Variants in SH3TC1 observed in about 807,000 individuals in gnomAD.
The protein encoded by SH3TC1 is SH3 domain and tetratricopeptide repeats 1.
SH3TC1 carries 135 observed loss-of-function variants against 117.3 expected under a neutral mutation model. The observed-to-expected ratio is 1.15, with a 90% CI of 1.00 to 1.33. The LOEUF is 1.33. Among genes scored for constraint, SH3TC1 ranks in the 40% most tolerant of loss-of-function variants. SH3TC1 has a pLI of 0.00. For synonymous variants in SH3TC1, 898 were observed against 816.9 expected (o/e 1.10, Z -1.69); for missense variants, 2,092 against 1,794.3 (o/e 1.17, Z -3.00).
intron 17 of SH3TC1, among the ~76,000 whole-genome samples, chr4:8,238,270 G>C (rs1421849553): frequency 6.6e-6 from 1 of 152,184 alleles, no homozygotes; most frequent in East Asian, 1.9e-4. Context: ...AGGTGCAGTG[G>C]GGCGGGGCCC....
rs1222512398 is a variant in SH3TC1 at position 8,206,901 on chromosome 4, C to T, written c.172+1535C>T. Among the ~76,000 whole-genome samples the T allele has an allele frequency of 6.6e-6, 1 of 150,564 alleles. No individual in the cohort carries two copies. Among genetic ancestry groups the T allele is most frequent in the Non-Finnish European group, 1.5e-5 (1 of 67,850 alleles). The stretch of plus-strand genomic sequence containing the variant: ...TTCTGATCCTTTTGGGAGTAAATTG[C>T]AGACATGATGCCCCTTCATCCTAAA... On this transcript the variant is annotated intron_variant, in intron 2 of 17. Coordinates refer to ENST00000245105, the MANE Select transcript of SH3TC1 (RefSeq NM_018986.5). The surrounding 1 kb of genome is among the most constrained non-coding windows in gnomAD (Gnocchi z 5.5).
intron 5 of SH3TC1, among the ~76,000 whole-genome samples, chr4:8,215,606 G>A (rs998461311): frequency 6.6e-6 from 1 of 152,128 alleles, no homozygotes; most frequent in Non-Finnish European, 1.5e-5. Flanking sequence ...TGCCTTACAC[G>A]TGCACCGAGC....
upstream of SH3TC1, among the ~76,000 whole-genome samples, chr4:8,196,657 G>T (rs1323908065): frequency 6.6e-6 from 1 of 152,208 alleles, no homozygotes; most frequent in Admixed American, 6.5e-5. The surrounding 1 kb of genome is among the most constrained non-coding windows in gnomAD (Gnocchi z 4.6). Flanking sequence ...GGGAGGCAGA[G>T]GGAGCTGGAC....
intron 4 of SH3TC1, 30 bp from the exon 5 acceptor site, chr4:8,214,445 C>A (rs1437714770): frequency 9.5e-6 from 15 of 1,585,980 alleles, no homozygotes; most frequent in Non-Finnish European, 1.3e-5. Context: ...CTCCTGGGGA[C>A]CTCTCGAATT....
intron 6 of SH3TC1, 92 bp from the exon 7 acceptor site, chr4:8,216,865 C>T (rs1561693237): frequency 7.5e-7 from 1 of 1,338,322 alleles, no homozygotes. Context: ...GTGGGTGTTG[C>T]CTTCGTTGTC....
Position 8,209,649 on chromosome 4 carries a change from ACC to A in SH3TC1, c.173-98_173-97del, listed in dbSNP as rs768745558. On this transcript the variant is annotated intron_variant, in intron 2 of 17. Coordinates refer to ENST00000245105, the MANE Select transcript of SH3TC1 (RefSeq NM_018986.5). The surrounding 1 kb of genome is among the most constrained non-coding windows in gnomAD (Gnocchi z 5.9). ...AGGCGGCTCGTGCGGGACAGAACTC[ACC>A]TCTTTTCTTGCAGAGAGACCTGGAG... is the stretch of plus-strand genomic sequence containing the variant. 2.0e-5 allele frequency: 32 copies of A among 1,564,716 alleles called. No homozygotes were observed. The Admixed American group carries it at 5.5e-4, about 27-fold the overall frequency.
chr4:8,182,981 C>T lies in SH3TC1; in HGVS notation c.-57+771C>T, dbSNP rs557345484. 3.1e-3 allele frequency among the ~76,000 whole-genome samples: 477 copies of T among 152,246 alleles called. 2 individuals are homozygous for T. The highest frequency in any genetic ancestry group is 0.017 in the Middle Eastern group (5 of 294). On this transcript the variant is annotated intron_variant, in intron 1 of 16. Transcript: ENST00000508641. ...GGTTTTGAAGGAGGCAGGGACTGGA[C>T]GCAGAGGCTGTTGGGGCAGTGGGGA...
At position 8,228,527 on chromosome 4, in the gene SH3TC1, T is replaced by C. The variant is rs1405164828; in HGVS notation, c.2833T>C (p.Phe945Leu). The change falls in exon 12 of 18, where the codon TTC (phenylalanine) becomes CTC (leucine). Residue 945 changes from phenylalanine (F) to leucine (L), a missense_variant. Physicochemically the swap from Phe to Leu is conservative, Grantham distance 22. Transcript: ENST00000245105. ...GCCCCTTGGGGAGTGTGGCCGGGAC[T>C]TCACCCACGTGCTCCTGCAGCTGGG... The part of the protein sequence containing the change: ...RLPLGECGRD[F>L]THVLLQLGHL... 1 of 1,611,270 alleles carries C rather than the reference T, an allele frequency of 6.2e-7. No homozygotes were observed. Among genetic ancestry groups the C allele is most frequent in the East Asian group, 2.2e-5 (1 of 44,858 alleles).
At chr4:8,237,107 A>G (rs368149120) in intron 16 of SH3TC1, 38 of 238,164 alleles carry the variant, frequency 1.6e-4, no homozygotes, top group East Asian at 1.5e-3. Context: ...GACTCTGATG[A>G]TGACACACCC....
intron 15 of SH3TC1, chr4:8,235,780 T>A: frequency 2.0e-6 from 1 of 491,566 alleles, no homozygotes; most frequent in Non-Finnish European, 3.3e-6. Context: ...CACCCGATGA[T>A]CTCAAGCAAC....
At chr4:8,230,100 C>T (rs1398418943) in intron 12 of SH3TC1, among the ~76,000 whole-genome samples, 3 of 152,178 alleles carry the variant, frequency 2.0e-5, no homozygotes, top group Non-Finnish European at 4.4e-5. Flanking sequence ...GCTGATACCC[C>T]ACATGCTTAC....
At chr4:8,233,655 C>CA in intron 14 of SH3TC1, 142 bp downstream of exon 14, 3 of 1,030,956 alleles carry the variant, frequency 2.9e-6, no homozygotes, top group Non-Finnish European at 4.0e-6. Flanking sequence ...TCCATCCTTC[C>CA]ATCATCTACC....
upstream of SH3TC1, among the ~76,000 whole-genome samples, chr4:8,199,082 C>T (rs957777288): frequency 6.6e-6 from 1 of 152,224 alleles, no homozygotes; most frequent in South Asian, 2.1e-4. Context: ...TACTACAGAG[C>T]CTGGGGGCTG....
chr4:8,228,510 G>C lies in SH3TC1; in HGVS notation c.2816G>C (p.Gly939Ala), dbSNP rs763702508. ...AVRLFSRLPL[G>A]ECGRDFTHVL... is the part of the protein sequence containing the mutation. ...CGGCTGTTCTCGAGGCTGCCCCTTG[G>C]GGAGTGTGGCCGGGACTTCACCCAC... The change falls in exon 12 of 18, where the codon GGG (glycine) becomes GCG (alanine). Residue 939 changes from glycine (G) to alanine (A), a missense_variant. Coordinates refer to ENST00000245105, the MANE Select transcript of SH3TC1 (RefSeq NM_018986.5). 7 of 1,611,522 alleles carry C rather than the reference G, an allele frequency of 4.3e-6. 1 individual carries two copies. In the South Asian group the frequency reaches 7.7e-5, roughly 18 times the overall value.
Position 8,205,815 on chromosome 4 carries a change from C to A in SH3TC1, c.172+449C>A, listed in dbSNP as rs998602650. 3 of 598,820 alleles carry A rather than the reference C, an allele frequency of 5.0e-6. No homozygotes were observed. Among genetic ancestry groups the A allele is most frequent in the Non-Finnish European group, 9.0e-6 (3 of 335,152 alleles). 37.1% of individuals were successfully genotyped at this position (598,820 alleles called of 1,614,324 possible). A position where few individuals can be genotyped will look rare whatever the true frequency, so the allele number is the denominator to read the frequency against. On this transcript the variant is annotated intron_variant, in intron 2 of 17. Transcript: ENST00000245105. This position sits in a 1 kb window ranked among gnomAD's most constrained non-coding sequence, Gnocchi z 5.4. ...TCAGGGGCCGGGCCAGGACGTGTGC[C>A]CAGTTTCCTGAATTCCCGGGAGACC...
Position 8,205,883 on chromosome 4 carries a change from C to G in SH3TC1, c.172+517C>G. 1.8e-6 allele frequency: 1 copy of G among 562,158 alleles called. No homozygotes were observed. The highest frequency in any genetic ancestry group is 3.2e-6 in the Non-Finnish European group (1 of 315,494). The allele number at this position is 562,158 out of a possible 1,614,324, so 34.8% of individuals were successfully genotyped here. ...GATCTCCAGGATCCCCTCTTACCCCCATCCTGAGACCCTGAAGGGGACGAG... is the reference window on the plus strand; with the variant it reads ...GATCTCCAGGATCCCCTCTTACCCCGATCCTGAGACCCTGAAGGGGACGAG... On this transcript the variant is annotated intron_variant, in intron 2 of 17. Coordinates refer to ENST00000245105, the MANE Select transcript of SH3TC1 (RefSeq NM_018986.5). The surrounding 1 kb of genome is among the most constrained non-coding windows in gnomAD (Gnocchi z 5.4).
intron 16 of SH3TC1, chr4:8,237,214 G>A: frequency 2.4e-6 from 1 of 408,888 alleles, no homozygotes. Flanking sequence ...GTTAAAAACA[G>A]TGAGCAAAGG....
rs978023146 is a variant in SH3TC1 at position 8,209,891 on chromosome 4, A to G, written c.247+69A>G. The G allele has an allele frequency of 1.3e-6, 2 of 1,504,800 alleles. No homozygotes were observed. Among genetic ancestry groups the G allele is most frequent in the Non-Finnish European group, 1.8e-6 (2 of 1,097,640 alleles). 93.2% of individuals were successfully genotyped at this position (1,504,800 alleles called of 1,614,324 possible). On this transcript the variant is annotated intron_variant, in intron 3 of 17. Transcript: ENST00000245105. The surrounding 1 kb of genome is among the most constrained non-coding windows in gnomAD (Gnocchi z 5.9). ...GGCTGTGCCGCTCCCTGGGCATCCA[A>G]GAGTCCAACCCAGGGCTTCTCAAAG... is the stretch of plus-strand genomic sequence containing the variant.
intron 13 of SH3TC1, 35 bp from the exon 14 acceptor site, chr4:8,233,328 A>G (rs1721418494): frequency 6.4e-7 from 1 of 1,572,838 alleles, no homozygotes; most frequent in Non-Finnish European, 8.6e-7. Flanking sequence ...CAGGAGGATG[A>G]CAGCCCTTGT....
Sources: gnomAD v4.1 joint callset for allele counts (sites outside exome capture counted in the v4.1 genomes callset) on GRCh38, gnomAD v4.1.1 for gene constraint, Gnocchi (gnomAD v3.1) non-coding constraint, MANE v1.5 for transcripts, NCBI Gene and HGNC (gene_info 2026-07-23, HGNC 2026-07-21) for gene names.